SH2B3: variants seen among roughly 807,000 people sequenced by gnomAD.
SH2B3 encodes the protein SH2B adaptor protein 3.
SH2B3 carries 43 observed loss-of-function variants against 51.9 expected under a neutral mutation model. That is an observed-to-expected ratio of 0.83 (90% CI 0.65 to 1.07). SH2B3 has a LOEUF of 1.07. Ranked by LOEUF, SH2B3 falls within the 50% of genes least tolerant of loss-of-function variation. The probability of loss-of-function intolerance (pLI) is 0.00; values close to 1 mark genes in which losing one functional copy is unlikely to be tolerated. For synonymous variants in SH2B3, 396 were observed against 376.0 expected (o/e 1.05, Z -0.62); for missense variants, 952 against 834.3 (o/e 1.14, Z -1.74).
rs1374953357 is a variant in SH2B3 at position 111,418,825 on chromosome 12, C to T, written c.680C>T (p.Ala227Val). 1.4e-6 allele frequency: 2 copies of T among 1,423,918 alleles called. No individual in the cohort carries two copies. The highest frequency in any genetic ancestry group is 3.3e-5 in the Admixed American group (1 of 30,052). 88.2% of individuals were successfully genotyped at this position (1,423,918 alleles called of 1,614,324 possible). Residue 227 changes from alanine to valine, a missense_variant, in exon 2 of 8, where the codon GCC becomes GTC. Physicochemically the swap from Ala to Val is moderately conservative, Grantham distance 64 (BLOSUM62 0). Coordinates refer to ENST00000341259, the MANE Select transcript of SH2B3 (RefSeq NM_005475.3). This position sits in a 1 kb window ranked among gnomAD's most constrained non-coding sequence, Gnocchi z 6.7. ...CGCGGGAGGCTGGCGCTGCGCCGGG[C>T]CCCGGGCCCCGATGGCCCCGACCGC... is the stretch of plus-strand genomic sequence containing the variant. ...WQRGRLALRRAPGPDGPDRVL... is the reference protein window; with the variant it reads ...WQRGRLALRRVPGPDGPDRVL...
At position 111,418,784 on chromosome 12, in the gene SH2B3, C is replaced by A. The variant is rs111360561; in HGVS notation, c.639C>A (p.Ser213Arg). Residue 213 changes from serine to arginine, a missense_variant, in exon 2 of 8, where the codon AGC becomes AGA. Coordinates refer to ENST00000341259, the MANE Select transcript of SH2B3 (RefSeq NM_005475.3). The surrounding 1 kb of genome is among the most constrained non-coding windows in gnomAD (Gnocchi z 6.7). The part of the protein sequence containing the change: ...YSLADEASMD[S>R]GARWQRGRLA... The stretch of plus-strand genomic sequence containing the variant: ...TGGCCGACGAGGCCTCCATGGACAG[C>A]GGGGCACGCTGGCAGCGCGGGAGGC... The A allele has an allele frequency of 6.2e-4, 912 of 1,465,804 alleles. No homozygotes were observed. The highest frequency in any genetic ancestry group is 1.4e-3 in the Admixed American group (55 of 38,960). 90.8% of individuals were successfully genotyped at this position (1,465,804 alleles called of 1,614,324 possible).
intron 2 of SH2B3, among the ~76,000 whole-genome samples, chr12:111,425,362 C>T (rs987950053): frequency 2.6e-5 from 4 of 151,998 alleles, no homozygotes; most frequent in African/African-American, 7.3e-5. Context: ...CAGCGTGGGC[C>T]CTTGGGAGGT....
chr12:111,434,808 CTG>C (rs1158410245), intron 2 of SH2B3: 12 of 1,505,154 alleles, frequency 8.0e-6, no homozygotes, highest in African/African-American at 2.8e-5. Context: ...CAGTGAGAGG[CTG>C]TGTGTCAAGG....
chr12:111,405,233 GACGGGCGGCCGGAGCGAGGCTGGGCTAT>G (rs1437827928), upstream of SH2B3, among the ~76,000 whole-genome samples: 1 of 152,220 alleles, frequency 6.6e-6, no homozygotes, highest in African/African-American at 2.4e-5. The surrounding 1 kb of genome is among the most constrained non-coding windows in gnomAD (Gnocchi z 5.4). Context: ...TGGGGGACAG[GACGGGCGGCCGGAGCGAGGCTGGGCTAT>G]ACGGGCACCG....
intron 2 of SH2B3, among the ~76,000 whole-genome samples, chr12:111,419,954 TGAG>T (rs1871403285): frequency 6.6e-6 from 1 of 152,228 alleles, no homozygotes; most frequent in South Asian, 2.1e-4. Flanking sequence ...TTGGCAGTTT[TGAG>T]GAGTACCAGT....
chr12:111,423,512 G>A (rs1000957826), intron 2 of SH2B3, among the ~76,000 whole-genome samples: 2 of 152,120 alleles, frequency 1.3e-5, no homozygotes, highest in Non-Finnish European at 2.9e-5. Flanking sequence ...TGGGACTACA[G>A]GTGCCCGCCA....
intron 2 of SH2B3, among the ~76,000 whole-genome samples, chr12:111,440,519 A>G (rs939473006): frequency 1.3e-5 from 2 of 152,234 alleles, no homozygotes; most frequent in Non-Finnish European, 2.9e-5. Flanking sequence ...CCAGGCTCCA[A>G]TGCCTGGCAC....
intron 1 of SH2B3, among the ~76,000 whole-genome samples, chr12:111,416,467 A>G (rs920368761): frequency 2.0e-5 from 3 of 150,568 alleles, no homozygotes; most frequent in Admixed American, 6.6e-5. Context: ...CCCATAACTA[A>G]TAAGTTGTTG....
At chr12:111,421,540 C>T (rs1871562671) in intron 2 of SH2B3, among the ~76,000 whole-genome samples, 1 of 151,726 alleles carries the variant, frequency 6.6e-6, no homozygotes, top group Non-Finnish European at 1.5e-5. Context: ...CCTCAGCCTC[C>T]CGAGTAACTG....
In SH2B3 at chr12:111,444,422, G is replaced by A. The variant is rs561915362; in HGVS notation, c.733-2331G>A. 2.6e-5 allele frequency among the ~76,000 whole-genome samples: 4 copies of A among 152,336 alleles called. No homozygotes were observed. The East Asian group carries it at 7.7e-4, about 29-fold the overall frequency. On this transcript the variant is annotated intron_variant, in intron 2 of 7. Transcript: ENST00000341259. Reference sequence around the variant, plus strand: ...CAGAAGCCATCTGTTTAGATGCTGGGAATGGAGAAGACTTGCTCCCCAGAA... The same window carrying A: ...CAGAAGCCATCTGTTTAGATGCTGGAAATGGAGAAGACTTGCTCCCCAGAA...
intron 2 of SH2B3, among the ~76,000 whole-genome samples, chr12:111,419,130 G>T (rs1593039375): frequency 6.6e-6 from 1 of 151,900 alleles, no homozygotes; most frequent in South Asian, 2.1e-4. Flanking sequence ...GGGCAACTTA[G>T]CGAGACCCTA....
Position 111,438,187 on chromosome 12 carries a change from G to A in SH2B3, c.733-8566G>A, listed in dbSNP as rs1274403874. Among the ~76,000 whole-genome samples, 1 of 151,962 alleles carries A rather than the reference G, an allele frequency of 6.6e-6. No homozygotes were observed. On this transcript the variant is annotated intron_variant, in intron 2 of 7. Coordinates refer to ENST00000341259, the MANE Select transcript of SH2B3 (RefSeq NM_005475.3). This position sits in a 1 kb window ranked among gnomAD's most constrained non-coding sequence, Gnocchi z 4.2. ...GGGTGGCAGGGGAAGGTGTGGGCGG[G>A]AAGGCGGCTGGAGGGAGACCAGGTG...
In SH2B3 at chr12:111,411,490, A is replaced by G. The variant is rs1659200478; in HGVS notation, c.-28+5213A>G. 2.0e-5 allele frequency among the ~76,000 whole-genome samples: 3 copies of G among 152,142 alleles called. No homozygotes were observed. The South Asian group carries it at 6.2e-4, about 32-fold the overall frequency. On this transcript the variant is annotated intron_variant, in intron 1 of 7. Coordinates refer to ENST00000341259, the MANE Select transcript of SH2B3 (RefSeq NM_005475.3). Reference sequence around the variant, plus strand: ...CCGAATTATACTATTATCCAGGGTGATTAGATAGAGGAGAGGCTGAGAAGC... The same window carrying G: ...CCGAATTATACTATTATCCAGGGTGGTTAGATAGAGGAGAGGCTGAGAAGC...
chr12:111,448,588 T>C lies in SH2B3; in HGVS notation c.*286T>C. The C allele has an allele frequency of 2.6e-6, 1 of 377,594 alleles. No homozygotes were observed. The highest frequency in any genetic ancestry group is 4.4e-5 in the South Asian group (1 of 22,964). 23.4% of individuals were successfully genotyped at this position (377,594 alleles called of 1,614,324 possible). A position where few individuals can be genotyped will look rare whatever the true frequency, so the allele number is the denominator to read the frequency against. ...TCCCTATGCCCAGTCCCCGTTACTCTTAGAGAAAGGAGTTGGGGTGAGGGC... is the reference window on the plus strand; with the variant it reads ...TCCCTATGCCCAGTCCCCGTTACTCCTAGAGAAAGGAGTTGGGGTGAGGGC... On this transcript the variant is annotated 3_prime_UTR_variant, in exon 8 of 8. Coordinates refer to ENST00000341259, the MANE Select transcript of SH2B3 (RefSeq NM_005475.3).
At chr12:111,447,629 C>T (rs779527651) in intron 6 of SH2B3, 27 bp from the exon 7 acceptor site, 21 of 1,608,974 alleles carry the variant, frequency 1.3e-5, no homozygotes, top group East Asian at 6.7e-5. Context: ...AGGGACAGCC[C>T]GAGCCCACCA....
At chr12:111,427,388 GAAAAAAAAAAAAA>G (rs557658468) in intron 2 of SH2B3, among the ~76,000 whole-genome samples, 26 of 83,042 alleles carry the variant, frequency 3.1e-4, no homozygotes, top group East Asian at 8.3e-4. Flanking sequence ...TCCATCTCAG[GAAAAAAAAAAAAA>G]AAAAAAAAAA....
Position 111,447,789 on chromosome 12 carries a change from G to T in SH2B3, c.1370G>T (p.Arg457Leu). Residue 457 changes from arginine to leucine, a missense_variant, in exon 7 of 8, where the codon CGG becomes CTG. Transcript: ENST00000341259. ...PLECGAACDV[R>L]LSSYVVVVSQ... ...GAGTGCGGCGCCGCCTGTGATGTCC[G>T]GCTCTCCAGCTACGTGGTAGTCGTC... 1 of 1,614,110 alleles carries T rather than the reference G, an allele frequency of 6.2e-7. No homozygotes were observed. The highest frequency in any genetic ancestry group is 1.3e-5 in the African/African-American group (1 of 75,034).
intron 2 of SH2B3, among the ~76,000 whole-genome samples, chr12:111,444,538 T>A (rs1393944133): frequency 6.6e-6 from 1 of 152,200 alleles, no homozygotes; most frequent in Non-Finnish European, 1.5e-5. Context: ...CCAACCACAG[T>A]AGAGCCTAAG....
chr12:111,441,970 C>T (rs982678796), intron 2 of SH2B3, among the ~76,000 whole-genome samples: 10 of 151,922 alleles, frequency 6.6e-5, no homozygotes, highest in African/African-American at 1.7e-4. Context: ...CTCACTCTGT[C>T]GACCAGTCTA....
Sources: gnomAD v4.1 joint callset for allele counts (sites outside exome capture counted in the v4.1 genomes callset) on GRCh38, gnomAD v4.1.1 for gene constraint, Gnocchi (gnomAD v3.1) non-coding constraint, MANE v1.5 for transcripts, NCBI Gene and HGNC (gene_info 2026-07-23, HGNC 2026-07-21) for gene names.